The following ACVR1 variants were observed in gnomAD, a reference collection of about 807,000 sequenced individuals.
The protein encoded by ACVR1 is activin receptor type-1.
In ACVR1, 38 loss-of-function variants were observed where a neutral mutation model predicts 57.1. The observed-to-expected ratio is 0.67, with a 90% confidence interval of 0.51 to 0.87. The LOEUF is 0.87. ACVR1 is among the 40% of genes least tolerant of loss of function. The pLI is 0.00. For missense variants in ACVR1, 463 were observed against 638.2 expected (o/e 0.73, Z 2.96); for synonymous variants, 212 against 228.1 (o/e 0.93, Z 0.63).
At chr2:157,804,228 C>T (rs2105311727) in intron 2 of ACVR1, among the ~76,000 whole-genome samples, 1 of 152,216 alleles carries the variant, frequency 6.6e-6, no homozygotes, top group South Asian at 2.1e-4. Context: ...TATCAGATAA[C>T]CAGATGGTAC....
rs398060692 is a variant in ACVR1 at position 157,854,199 on chromosome 2, T to TA, written c.-183+21596dup. On this transcript the variant is annotated intron_variant, in intron 1 of 10. Coordinates refer to ENST00000434821, the MANE Select transcript of ACVR1 (RefSeq NM_001111067.4). ...ATGAATCAATCAGACCCTAAAGGAG[T>TA]AAAAAAAAAAAAAAAAAAGAAGCAT... 7.2e-3 allele frequency among the ~76,000 whole-genome samples: 857 copies of TA among 118,468 alleles called. 5 individuals are homozygous for TA. The highest frequency in any genetic ancestry group is 8.1e-3 in the Non-Finnish European group (434 of 53,646). 77.7% of individuals were successfully genotyped at this position (118,468 alleles called of 152,430 possible).
chr2:157,836,209 G>A (rs1688777147), intron 1 of ACVR1, among the ~76,000 whole-genome samples: 1 of 152,218 alleles, frequency 6.6e-6, no homozygotes, highest in Non-Finnish European at 1.5e-5. Context: ...AACTGTGTCA[G>A]AAGAGGCAAA....
chr2:157,763,212 A>C (rs1039730804), intron 8 of ACVR1, among the ~76,000 whole-genome samples: 3 of 152,250 alleles, frequency 2.0e-5, no homozygotes, highest in South Asian at 2.1e-4. Context: ...ATTATGAAGA[A>C]GATGCATTTT....
At chr2:157,792,656 T>C (rs1364379203) in intron 3 of ACVR1, among the ~76,000 whole-genome samples, 2 of 152,198 alleles carry the variant, frequency 1.3e-5, no homozygotes, top group Non-Finnish European at 2.9e-5. Context: ...GGTAGCAAAA[T>C]CAACTCAGTA....
chr2:157,742,075 C>CG, intron 9 of ACVR1, among the ~76,000 whole-genome samples: 1 of 152,008 alleles, frequency 6.6e-6, no homozygotes, highest in South Asian at 2.1e-4. Context: ...GCAGGAGAGC[C>CG]GGGGGAGAAG....
chr2:157,800,527 A>G (rs1040530027), intron 2 of ACVR1, among the ~76,000 whole-genome samples: 3 of 152,124 alleles, frequency 2.0e-5, no homozygotes, highest in African/African-American at 7.2e-5. Context: ...GTCTGTTTAC[A>G]AACCATACCT....
intron 1 of ACVR1, among the ~76,000 whole-genome samples, chr2:157,856,355 C>T (rs1190743539): frequency 6.6e-6 from 1 of 152,212 alleles, no homozygotes; most frequent in Non-Finnish European, 1.5e-5. Flanking sequence ...AACTTCTCAT[C>T]TCTTGTCCTA....
chr2:157,818,934 C>T (rs1042104646), intron 1 of ACVR1, among the ~76,000 whole-genome samples: 6 of 150,834 alleles, frequency 4.0e-5, no homozygotes, highest in Admixed American at 2.0e-4. Flanking sequence ...AAAAATTAGC[C>T]GGGCGTAGTG....
chr2:157,848,961 A>G (rs1053035331), intron 1 of ACVR1, among the ~76,000 whole-genome samples: 1 of 152,222 alleles, frequency 6.6e-6, no homozygotes, highest in African/African-American at 2.4e-5. Context: ...GAAGCAGTTT[A>G]GAGGGAAAGA....
chr2:157,861,800 T>C (rs930743232), intron 1 of ACVR1, among the ~76,000 whole-genome samples: 6 of 152,230 alleles, frequency 3.9e-5, no homozygotes, highest in Admixed American at 3.9e-4. Context: ...ATAATTATAA[T>C]TACACACTTG....
Position 157,761,080 on chromosome 2 carries a change from G to C in ACVR1, c.1067-3C>G. 1.2e-6 allele frequency: 2 copies of C among 1,613,514 alleles called. No homozygotes were observed. The highest frequency in any genetic ancestry group is 8.5e-7 in the Non-Finnish European group (1 of 1,179,948). ...CTGGGAATGCATGACTGCCAGGCCTGAAAGGAAGAAGATAACAATGTAATC... is the reference window on the plus strand; with the variant it reads ...CTGGGAATGCATGACTGCCAGGCCTCAAAGGAAGAAGATAACAATGTAATC... On this transcript the variant is annotated splice_polypyrimidine_tract_variant and splice_region_variant and intron_variant, in intron 8 of 10. Transcript: ENST00000434821.
chr2:157,789,393 G>C (rs947285518), intron 3 of ACVR1, among the ~76,000 whole-genome samples: 5 of 152,240 alleles, frequency 3.3e-5, no homozygotes, highest in African/African-American at 1.2e-4. Flanking sequence ...TGGCTGGGGA[G>C]CAAGAATATC....
At chr2:157,779,813 T>A (rs934647171) in intron 4 of ACVR1, among the ~76,000 whole-genome samples, 8 of 152,138 alleles carry the variant, frequency 5.3e-5, no homozygotes, top group Non-Finnish European at 7.4e-5. Context: ...TTGTGCGAAA[T>A]CTCATCCTGC....
At chr2:157,760,822 G>C (rs1685616772) in intron 9 of ACVR1, 58 bp downstream of exon 9, 7 of 1,538,634 alleles carry the variant, frequency 4.5e-6, no homozygotes, top group African/African-American at 1.4e-5. Context: ...CCCTTTTAAA[G>C]GTAGCTGGAT....
intron 2 of ACVR1, among the ~76,000 whole-genome samples, chr2:157,807,491 C>G (rs1400849280): frequency 6.6e-6 from 1 of 152,066 alleles, no homozygotes; most frequent in Non-Finnish European, 1.5e-5. Flanking sequence ...CATCTCCCTG[C>G]TATTTTGCTA....
intron 5 of ACVR1, among the ~76,000 whole-genome samples, chr2:157,776,173 A>G (rs1311768497): frequency 1.3e-5 from 2 of 152,256 alleles, no homozygotes; most frequent in African/African-American, 4.8e-5. Context: ...TTATATCATG[A>G]TACACTGTCA....
Position 157,832,837 on chromosome 2 carries a change from T to C in ACVR1, c.-182-14278A>G, listed in dbSNP as rs1036908889. On this transcript the variant is annotated intron_variant, in intron 1 of 10. Coordinates refer to ENST00000434821, the MANE Select transcript of ACVR1 (RefSeq NM_001111067.4). ...TGTGATTAATTTACATAAGCACAGG[T>C]TGAAACATCAGCTTTTTGATCATTT... Among the ~76,000 whole-genome samples the C allele has an allele frequency of 2.2e-4, 33 of 152,290 alleles. 1 individual carries two copies. Among genetic ancestry groups the C allele is most frequent in the African/African-American group, 7.7e-4 (32 of 41,566 alleles).
intron 9 of ACVR1, 141 bp from the exon 10 acceptor site, chr2:157,738,711 G>T: frequency 7.9e-7 from 1 of 1,269,254 alleles, no homozygotes; most frequent in Non-Finnish European, 1.1e-6. Context: ...AGTCCTGGAA[G>T]CTAGAGGTAG....
rs1686366174 is a variant in ACVR1, at chr2:157,778,198, G to T, written c.476C>A (p.Pro159His). ...GATAGTGCCATACTCCACGTCTCGG[G>T]GATTGAGGCGTTCTTGGTTGCGCCT... ...FKRRNQERLN[P>H]RDVEYGTIEG... Residue 159 changes from proline (P) to histidine (H), a missense_variant, in exon 5 of 11, where the codon CCC (proline) becomes CAC (histidine). Coordinates refer to ENST00000434821, the MANE Select transcript of ACVR1 (RefSeq NM_001111067.4). 6.2e-7 allele frequency: 1 copy of T among 1,614,010 alleles called. No homozygotes were observed. Among genetic ancestry groups the T allele is most frequent in the African/African-American group, 1.3e-5 (1 of 75,012 alleles).
Sources: allele counts gnomAD v4.1 joint callset (sites outside exome capture counted in the v4.1 genomes callset), GRCh38; gene constraint gnomAD v4.1.1; transcripts MANE v1.5; gene names NCBI Gene and HGNC (gene_info 2026-07-23, HGNC 2026-07-21).